The following SNTG1 variants were observed in gnomAD, a reference collection of about 807,000 sequenced individuals.
SNTG1 encodes the protein gamma-1-syntrophin.
A neutral mutation model predicts 74.7 loss-of-function variants in SNTG1; 39 were observed. The observed-to-expected ratio is 0.52, with a 90% CI of 0.40 to 0.68. The LOEUF (loss-of-function observed/expected upper bound fraction) is 0.68, where lower values mean the gene tolerates loss of function less well. SNTG1 is among the 30% of genes least tolerant of loss of function. The pLI is 0.00. For synonymous variants in SNTG1, 254 were observed against 217.1 expected (o/e 1.17, Z -1.49); for missense variants, 685 against 609.5 (o/e 1.12, Z -1.30).
chr8:50,606,099 G>T (rs2094810345), intron 13 of SNTG1, among the ~76,000 whole-genome samples: 1 of 152,024 alleles, frequency 6.6e-6, no homozygotes, highest in African/African-American at 2.4e-5. Flanking sequence ...CTTTGTTGTT[G>T]TTGTGTCCTT....
At chr8:50,768,985 CCTCT>C (rs909918858) in intron 18 of SNTG1, among the ~76,000 whole-genome samples, 3 of 151,870 alleles carry the variant, frequency 2.0e-5, no homozygotes, top group African/African-American at 4.8e-5. Flanking sequence ...CAAGATAGTG[CCTCT>C]CTCTCCCTTA....
At chr8:50,267,430 T>C (rs1033472032) in intron 2 of SNTG1, among the ~76,000 whole-genome samples, 1 of 152,246 alleles carries the variant, frequency 6.6e-6, no homozygotes, top group African/African-American at 2.4e-5. Context: ...TCGCCAGTAA[T>C]CAGAGAAATT....
At chr8:50,669,252 A>C (rs1006266065) in intron 15 of SNTG1, among the ~76,000 whole-genome samples, 4 of 152,038 alleles carry the variant, frequency 2.6e-5, no homozygotes, top group South Asian at 2.1e-4. Context: ...TGAATCCAGG[A>C]GATGGTTTTT....
chr8:50,618,523 TA>T (rs1419958908), intron 13 of SNTG1, among the ~76,000 whole-genome samples: 2 of 152,188 alleles, frequency 1.3e-5, no homozygotes, highest in Non-Finnish European at 2.9e-5. Flanking sequence ...CCAAGAGGCT[TA>T]AAACAGCACA....
intron 3 of SNTG1, among the ~76,000 whole-genome samples, chr8:50,400,015 A>T (rs2092781531): frequency 6.6e-6 from 1 of 152,234 alleles, no homozygotes; most frequent in African/African-American, 2.4e-5. Context: ...AGTGTATATG[A>T]TAGAGGGCAA....
intron 2 of SNTG1, among the ~76,000 whole-genome samples, chr8:50,243,723 A>T (rs537074289): frequency 3.3e-5 from 5 of 152,218 alleles, no homozygotes; most frequent in African/African-American, 1.2e-4. Context: ...ATACACACAG[A>T]TTACATGTTC....
chr8:50,617,006 T>C (rs895044611), intron 13 of SNTG1, among the ~76,000 whole-genome samples: 2 of 152,192 alleles, frequency 1.3e-5, no homozygotes, highest in African/African-American at 2.4e-5. Flanking sequence ...AGGAACTTGA[T>C]TCAGTCACTT....
chr8:50,645,457 T>A (rs919335331), intron 13 of SNTG1, among the ~76,000 whole-genome samples: 2 of 152,148 alleles, frequency 1.3e-5, no homozygotes, highest in Non-Finnish European at 2.9e-5. Context: ...GTGTGTGGAT[T>A]TTTTTCTCTT....
At position 50,622,513 on chromosome 8, in the gene SNTG1, A is replaced by G. The variant is rs186006308; in HGVS notation, c.849+31596A>G. 2.0e-5 allele frequency among the ~76,000 whole-genome samples: 3 copies of G among 152,248 alleles called. No individual in the cohort carries two copies. The East Asian group carries it at 5.8e-4, about 29-fold the overall frequency. Reference sequence around the variant, plus strand: ...CTTGGGAAGCTCACCATTAAAGTTTATGTCTTAAGGTAGTCGTTTAGTTAG... The same window carrying G: ...CTTGGGAAGCTCACCATTAAAGTTTGTGTCTTAAGGTAGTCGTTTAGTTAG... On this transcript the variant is annotated intron_variant, in intron 13 of 18. Coordinates refer to ENST00000642720, the MANE Select transcript of SNTG1 (RefSeq NM_018967.5).
intron 2 of SNTG1, among the ~76,000 whole-genome samples, chr8:50,369,957 T>G (rs2092229642): frequency 6.6e-6 from 1 of 152,198 alleles, no homozygotes; most frequent in Non-Finnish European, 1.5e-5. Context: ...TTTCTAATAT[T>G]CCATGGTGTC....
intron 2 of SNTG1, among the ~76,000 whole-genome samples, chr8:50,199,559 A>G (rs1335961702): frequency 2.0e-5 from 3 of 152,040 alleles, no homozygotes; most frequent in East Asian, 3.9e-4. Context: ...AAATCAACCA[A>G]CGTGGAGTTG....
At chr8:50,426,087 C>T (rs1249471829) in intron 4 of SNTG1, among the ~76,000 whole-genome samples, 1 of 152,156 alleles carries the variant, frequency 6.6e-6, no homozygotes, top group Non-Finnish European at 1.5e-5. Flanking sequence ...TAACATCTTA[C>T]ATAGTATGGT....
At chr8:50,781,970 G>A (rs1410670658) in intron 18 of SNTG1, among the ~76,000 whole-genome samples, 1 of 152,114 alleles carries the variant, frequency 6.6e-6, no homozygotes, top group African/African-American at 2.4e-5. Flanking sequence ...ATGAAGCTTA[G>A]TTTGGCTGGA....
chr8:50,494,574 C>T (rs2093887210), intron 8 of SNTG1, among the ~76,000 whole-genome samples: 1 of 151,878 alleles, frequency 6.6e-6, no homozygotes, highest in Non-Finnish European at 1.5e-5. Flanking sequence ...ATTAATGGAT[C>T]TTGAGCTACT....
chr8:50,401,415 A>C (rs894422613), intron 3 of SNTG1, among the ~76,000 whole-genome samples: 5 of 152,228 alleles, frequency 3.3e-5, no homozygotes, highest in African/African-American at 1.2e-4. Context: ...TAATAGCACA[A>C]GTTCAGAAAT....
chr8:50,720,557 A>G (rs1464706128), intron 17 of SNTG1, among the ~76,000 whole-genome samples: 5 of 152,202 alleles, frequency 3.3e-5, no homozygotes, highest in Non-Finnish European at 5.9e-5. Context: ...CAGTATGGAG[A>G]AAAGTCTAAG....
chr8:50,449,771 T>C (rs751050901), intron 6 of SNTG1, 46 bp downstream of exon 6: 1 of 1,468,322 alleles, frequency 6.8e-7, no homozygotes, highest in Admixed American at 2.0e-5. Context: ...TTTAAGGCAT[T>C]GTTTTTGAAG....
chr8:50,536,606 A>C, intron 10 of SNTG1, 72 bp from the exon 11 acceptor site: 1 of 1,540,762 alleles, frequency 6.5e-7, no homozygotes, highest in South Asian at 1.2e-5. Context: ...CCCCCAGATA[A>C]AAGGGGTTTG....
At chr8:49,959,462 C>G (rs1190319035) in intron 1 of SNTG1, among the ~76,000 whole-genome samples, 1 of 149,678 alleles carries the variant, frequency 6.7e-6, no homozygotes, top group Non-Finnish European at 1.5e-5. Context: ...TGCCCCATCT[C>G]AGCTCTACAC....
Sources: allele counts gnomAD v4.1 joint callset (sites outside exome capture counted in the v4.1 genomes callset), GRCh38; gene constraint gnomAD v4.1.1; transcripts MANE v1.5; gene names NCBI Gene and HGNC (gene_info 2026-07-23, HGNC 2026-07-21).